The following DCAF10 variants were observed in gnomAD, a reference collection of about 807,000 sequenced individuals.
DCAF10 encodes DDB1 and CUL4 associated factor 10.
In DCAF10, 19 loss-of-function variants were observed where a neutral mutation model predicts 51.9. The ratio of observed to expected loss-of-function variants is 0.37; its 90% CI spans 0.26 to 0.54. DCAF10 has a LOEUF of 0.54. DCAF10 is among the 20% of genes least tolerant of loss of function. The probability of loss-of-function intolerance (pLI) is 0.87; values close to 1 mark genes in which losing one functional copy is unlikely to be tolerated. For missense variants in DCAF10, 510 were observed against 730.6 expected (o/e 0.70, Z 3.48); for synonymous variants, 291 against 297.1 (o/e 0.98, Z 0.21).
At chr9:37,832,310 T>C (rs971280684) in intron 2 of DCAF10, among the ~76,000 whole-genome samples, 5 of 151,546 alleles carry the variant, frequency 3.3e-5, no homozygotes, top group Admixed American at 6.6e-5. Context: ...ATACAAAAAT[T>C]AGTGGGGCAT....
intron 3 of DCAF10, among the ~76,000 whole-genome samples, chr9:37,848,449 G>A (rs1437594092): frequency 6.6e-6 from 1 of 152,128 alleles, no homozygotes; most frequent in Non-Finnish European, 1.5e-5. Context: ...ATTATGCTGG[G>A]TGAAAAAAGC....
intron 1 of DCAF10, among the ~76,000 whole-genome samples, chr9:37,811,420 A>C (rs1418591716): frequency 1.3e-5 from 2 of 152,320 alleles, no homozygotes; most frequent in Middle Eastern, 3.4e-3. Flanking sequence ...CACTAGTACA[A>C]AGAGATTCGT....
At chr9:37,860,492 T>C (rs1564054967) in intron 6 of DCAF10, 2 of 257,128 alleles carry the variant, frequency 7.8e-6, no homozygotes, top group East Asian at 1.4e-4. Flanking sequence ...CATCTCACCC[T>C]AAACAAACAA....
intron 5 of DCAF10, among the ~76,000 whole-genome samples, chr9:37,858,037 C>T (rs1830904331): frequency 6.7e-6 from 1 of 148,472 alleles, no homozygotes; most frequent in Non-Finnish European, 1.5e-5. Flanking sequence ...AGATGGCTTG[C>T]TTTTTTTTTT....
chr9:37,855,104 T>C, intron 4 of DCAF10, 122 bp downstream of exon 4: 1 of 866,068 alleles, frequency 1.2e-6, no homozygotes, highest in Non-Finnish European at 1.7e-6. Flanking sequence ...AAAGGCATTC[T>C]TTAGAAAGCT....
chr9:37,849,611 G>A (rs957498597), intron 3 of DCAF10, among the ~76,000 whole-genome samples: 2 of 151,956 alleles, frequency 1.3e-5, no homozygotes, highest in African/African-American at 4.8e-5. Context: ...GGCCAGGCAC[G>A]GTGGCTCATA....
At chr9:37,802,013 C>T (rs1223602120) in intron 1 of DCAF10, among the ~76,000 whole-genome samples, 1 of 152,156 alleles carries the variant, frequency 6.6e-6, no homozygotes, top group Non-Finnish European at 1.5e-5. Context: ...TTAAAGGGAA[C>T]TTTCCAAAAT....
rs114278261 is a variant in DCAF10 at position 37,859,203 on chromosome 9, C to G, written c.1166-845C>G. Among the ~76,000 whole-genome samples the G allele has an allele frequency of 1.3e-3, 199 of 152,310 alleles. 1 individual carries two copies. Among genetic ancestry groups the G allele is most frequent in the African/African-American group, 4.6e-3 (192 of 41,556 alleles). ...GGGAATCTTTAGAAAGAAGGTAACACATCTGCTTGACAAGCAATTCACAAA... is the reference window on the plus strand; with the variant it reads ...GGGAATCTTTAGAAAGAAGGTAACAGATCTGCTTGACAAGCAATTCACAAA... On this transcript the variant is annotated intron_variant, in intron 5 of 6. Coordinates refer to ENST00000377724, the MANE Select transcript of DCAF10 (RefSeq NM_024345.5).
intron 1 of DCAF10, 137 bp from the exon 2 acceptor site, chr9:37,819,151 C>G (rs1214729347): frequency 6.4e-6 from 4 of 626,066 alleles, no homozygotes; most frequent in Non-Finnish European, 1.1e-5. Context: ...TAGTATCAAT[C>G]TTTTAAACAT....
intron 3 of DCAF10, among the ~76,000 whole-genome samples, chr9:37,847,300 T>TAA (rs369533909): frequency 9.3e-6 from 1 of 107,412 alleles, no homozygotes; most frequent in African/African-American, 3.3e-5. Context: ...CAAATATTCC[T>TAA]AAAAAAAAAA....
At chr9:37,827,913 C>A (rs765108531) in intron 2 of DCAF10, among the ~76,000 whole-genome samples, 7 of 151,808 alleles carry the variant, frequency 4.6e-5, no homozygotes, top group Admixed American at 3.9e-4. Flanking sequence ...TAGAGAAAGT[C>A]TCCCTCTATT....
chr9:37,838,322 T>G (rs940772529), intron 2 of DCAF10, among the ~76,000 whole-genome samples: 1 of 152,184 alleles, frequency 6.6e-6, no homozygotes, highest in Non-Finnish European at 1.5e-5. Flanking sequence ...AAAGTTTTTT[T>G]AAAGACCTAT....
rs750833693 is a variant in DCAF10 at position 37,860,033 on chromosome 9, T to A, written c.1166-15T>A. ...GATAATACAAATCCCACATCCTCAT[T>A]TTCTTATATCTCAGGAGTTTCACCA... On this transcript the variant is annotated splice_polypyrimidine_tract_variant and intron_variant, in intron 5 of 6. Coordinates refer to ENST00000377724, the MANE Select transcript of DCAF10 (RefSeq NM_024345.5). The A allele has an allele frequency of 3.1e-6, 5 of 1,613,416 alleles. No homozygotes were observed. The East Asian group carries it at 1.1e-4, about 36-fold the overall frequency.
chr9:37,828,455 A>T (rs1348490145), intron 2 of DCAF10, among the ~76,000 whole-genome samples: 1 of 152,006 alleles, frequency 6.6e-6, no homozygotes, highest in Non-Finnish European at 1.5e-5. Flanking sequence ...GAAAAAAGAA[A>T]AAAGAAAAGG....
intron 1 of DCAF10, among the ~76,000 whole-genome samples, chr9:37,805,823 G>A (rs1213809223): frequency 6.6e-6 from 1 of 152,160 alleles, no homozygotes; most frequent in Non-Finnish European, 1.5e-5. Context: ...AGTGGCTCAC[G>A]CCTACAATCC....
At chr9:37,817,756 A>G (rs1354888273) in intron 1 of DCAF10, among the ~76,000 whole-genome samples, 6 of 152,082 alleles carry the variant, frequency 3.9e-5, no homozygotes, top group African/African-American at 1.4e-4. Context: ...AAAGTCTCCC[A>G]GAATCATTGA....
chr9:37,815,798 G>A (rs1030063929), intron 1 of DCAF10, among the ~76,000 whole-genome samples: 2 of 151,988 alleles, frequency 1.3e-5, no homozygotes, highest in African/African-American at 4.8e-5. Context: ...AATAAGCAAA[G>A]CCAAAAAAAT....
At chr9:37,859,103 TATTTC>T in intron 5 of DCAF10, among the ~76,000 whole-genome samples, 1 of 152,374 alleles carries the variant, frequency 6.6e-6, no homozygotes, top group African/African-American at 2.4e-5. Context: ...GTGAAATAGT[TATTTC>T]AGTATAGTTT....
intron 2 of DCAF10, among the ~76,000 whole-genome samples, chr9:37,833,896 T>C (rs1830073209): frequency 1.3e-5 from 2 of 152,234 alleles, no homozygotes; most frequent in South Asian, 4.1e-4. Flanking sequence ...ATTTATCTCC[T>C]AGTGTACATT....
Sources: allele counts gnomAD v4.1 joint callset (sites outside exome capture counted in the v4.1 genomes callset), GRCh38; gene constraint gnomAD v4.1.1; transcripts MANE v1.5; gene names NCBI Gene and HGNC (gene_info 2026-07-23, HGNC 2026-07-21).